The following GRID2 variants were observed in gnomAD, a reference collection of about 807,000 sequenced individuals.
GRID2 encodes glutamate receptor ionotropic, delta-2.
Under a neutral mutation model 114.8 loss-of-function variants are expected in GRID2, and 33 were observed. The observed-to-expected ratio is 0.29, with a 90% CI of 0.22 to 0.38. GRID2 has a LOEUF of 0.38. Among genes scored for constraint, GRID2 ranks in the 10% least tolerant of loss-of-function variants. The pLI is 1.00. For missense variants in GRID2, 1,184 were observed against 1,257.7 expected, an observed-to-expected ratio of 0.94 and a Z score of 0.89; for synonymous variants, 505 against 449.9, an observed-to-expected ratio of 1.12 and a Z score of -1.55.
At chr4:92,943,914 C>G (rs1324177302) in intron 2 of GRID2, among the ~76,000 whole-genome samples, 1 of 152,164 alleles carries the variant, frequency 6.6e-6, no homozygotes, top group Non-Finnish European at 1.5e-5. Flanking sequence ...TGGTGAACAG[C>G]AAATGTTGCT....
chr4:93,594,981 AC>A, intron 13 of GRID2, among the ~76,000 whole-genome samples: 1 of 152,224 alleles, frequency 6.6e-6, no homozygotes, highest in South Asian at 2.1e-4. Flanking sequence ...TGAACCCGGT[AC>A]CTCAGATGGA....
At chr4:93,057,047 A>C (rs542037953) in intron 2 of GRID2, among the ~76,000 whole-genome samples, 7 of 152,042 alleles carry the variant, frequency 4.6e-5, no homozygotes, top group Non-Finnish European at 7.4e-5. Flanking sequence ...TAAGCATGCA[A>C]ATAAAAACAA....
intron 9 of GRID2, 101 bp from the exon 10 acceptor site, chr4:93,422,670 A>T (rs1169755241): frequency 5.5e-6 from 4 of 722,396 alleles, no homozygotes; most frequent in Non-Finnish European, 9.3e-6. Context: ...TTCAAAGTAT[A>T]AAACAATTTT....
intron 4 of GRID2, among the ~76,000 whole-genome samples, chr4:93,193,914 A>G (rs1579251797): frequency 6.6e-6 from 1 of 152,326 alleles, no homozygotes; most frequent in East Asian, 1.9e-4. Context: ...ACAGAAACAC[A>G]CCTTAGTCCT....
chr4:93,435,590 G>A (rs1165891457), intron 10 of GRID2, among the ~76,000 whole-genome samples: 1 of 152,118 alleles, frequency 6.6e-6, no homozygotes, highest in Non-Finnish European at 1.5e-5. Flanking sequence ...ATAATACCCA[G>A]ATGCTATTCT....
chr4:92,532,123 C>T (rs540518461), intron 1 of GRID2, among the ~76,000 whole-genome samples: 1 of 152,178 alleles, frequency 6.6e-6, no homozygotes, highest in African/African-American at 2.4e-5. Context: ...GGAATGAATT[C>T]AGTTTCTGTT....
chr4:93,783,229 C>T (rs991459894), intron 1 of GRID2, among the ~76,000 whole-genome samples: 1 of 152,160 alleles, frequency 6.6e-6, no homozygotes, highest in African/African-American at 2.4e-5. Context: ...ACCTGAGTCT[C>T]GTAATAACCC....
chr4:93,702,542 A>T (rs1727605252), intron 14 of GRID2, among the ~76,000 whole-genome samples: 1 of 152,162 alleles, frequency 6.6e-6, no homozygotes, highest in African/African-American at 2.4e-5. Context: ...ATGCTAAAAA[A>T]AATTATTGTA....
rs141122650 is a variant in GRID2 at position 92,937,763 on chromosome 4, A to T, written c.245-147232A>T. On this transcript the variant is annotated intron_variant, in intron 2 of 15. Coordinates refer to ENST00000282020, the MANE Select transcript of GRID2 (RefSeq NM_001510.4). ...AAAGAAAAAAATCATTGGGATTTCT[A>T]TACGGATTGCATTGAGCCTGTAGAT... is the stretch of plus-strand genomic sequence containing the variant. Among the ~76,000 whole-genome samples, 805 of 146,686 alleles carry T rather than the reference A, an allele frequency of 5.5e-3. 20 individuals carry two copies. The highest frequency in any genetic ancestry group is 0.019 in the African/African-American group (767 of 41,282).
chr4:92,528,302 T>C, intron 1 of GRID2, among the ~76,000 whole-genome samples: 1 of 123,242 alleles, frequency 8.1e-6, no homozygotes, highest in East Asian at 2.3e-4. Context: ...ATTTTGAGTA[T>C]ATATATATAT....
chr4:93,691,551 T>C (rs765081467), intron 14 of GRID2, among the ~76,000 whole-genome samples: 8 of 152,118 alleles, frequency 5.3e-5, no homozygotes, highest in Non-Finnish European at 8.8e-5. Context: ...TATTAGAAGT[T>C]ATTTAACTTT....
chr4:92,997,377 C>G (rs1229691237), intron 2 of GRID2, among the ~76,000 whole-genome samples: 1 of 152,124 alleles, frequency 6.6e-6, no homozygotes, highest in Non-Finnish European at 1.5e-5. Flanking sequence ...CTGTGTAACC[C>G]TATGTGATAA....
intron 2 of GRID2, among the ~76,000 whole-genome samples, chr4:92,867,241 A>T (rs957845684): frequency 6.6e-6 from 1 of 152,160 alleles, no homozygotes; most frequent in Non-Finnish European, 1.5e-5. Flanking sequence ...ATTCAAAGTA[A>T]CAGCTATCCT....
intron 1 of GRID2, among the ~76,000 whole-genome samples, chr4:92,522,824 TG>T (rs1579512532): frequency 6.6e-6 from 1 of 152,088 alleles, no homozygotes; most frequent in East Asian, 1.9e-4. Flanking sequence ...AGTTCATTAT[TG>T]GACATAGAAA....
Position 92,418,122 on chromosome 4 carries a change from C to T in GRID2, c.88+113378C>T, listed in dbSNP as rs1731710384. Among the ~76,000 whole-genome samples the T allele has an allele frequency of 2.0e-5, 3 of 152,026 alleles. No homozygotes were observed. In the South Asian group the frequency reaches 6.2e-4, roughly 31 times the overall value. On this transcript the variant is annotated intron_variant, in intron 1 of 15. Coordinates refer to ENST00000282020, the MANE Select transcript of GRID2 (RefSeq NM_001510.4). ...AATACATGGAGCTACTATGTTGTAC[C>T]ATGGAAGAGTCTGAGGTAGATTTGG... is the stretch of plus-strand genomic sequence containing the variant.
chr4:93,122,890 G>GTTTTTTTTGTTTTT (rs1733915033), intron 4 of GRID2, among the ~76,000 whole-genome samples: 1 of 69,794 alleles, frequency 1.4e-5, no homozygotes, highest in East Asian at 4.6e-4. Flanking sequence ...ACAGATGTGG[G>GTTTTTTTTGTTTTT]TTTTTTTTTT....
intron 1 of GRID2, among the ~76,000 whole-genome samples, chr4:92,384,756 GATAA>G (rs1452556518): frequency 7.1e-6 from 1 of 140,850 alleles, no homozygotes; most frequent in Non-Finnish European, 1.5e-5. Flanking sequence ...TAAAACTTCT[GATAA>G]ATAAGAAGAT....
At chr4:93,716,792 A>G (rs1033691699) in intron 14 of GRID2, among the ~76,000 whole-genome samples, 1 of 152,102 alleles carries the variant, frequency 6.6e-6, no homozygotes, top group Non-Finnish European at 1.5e-5. Flanking sequence ...TTTCAATTTC[A>G]ACATGAATTT....
At chr4:93,458,298 C>T (rs896525756) in intron 11 of GRID2, among the ~76,000 whole-genome samples, 2 of 152,100 alleles carry the variant, frequency 1.3e-5, no homozygotes, top group Non-Finnish European at 2.9e-5. Flanking sequence ...GCAAAAAAGG[C>T]TTGTCTTTGC....
Sources: gnomAD v4.1 joint callset for allele counts (sites outside exome capture counted in the v4.1 genomes callset) on GRCh38, gnomAD v4.1.1 for gene constraint, MANE v1.5 for transcripts, NCBI Gene and HGNC (gene_info 2026-07-23, HGNC 2026-07-21) for gene names.